The following MACF1 variants were observed in gnomAD, a reference collection of about 807,000 sequenced individuals.
MACF1 encodes the protein microtubule actin crosslinking factor 1.
A neutral mutation model predicts 854.8 loss-of-function variants in MACF1; 193 were observed. The observed-to-expected ratio is 0.23, with a 90% CI of 0.20 to 0.25. MACF1 has a LOEUF of 0.25. Ranked by LOEUF, MACF1 falls within the 10% of genes least tolerant of loss-of-function variation. The probability of loss-of-function intolerance (pLI) is 1.00; values close to 1 mark genes in which losing one functional copy is unlikely to be tolerated. For missense variants in MACF1, 7,722 were observed against 8,929.1 expected, an observed-to-expected ratio of 0.86 and a Z score of 5.45; for synonymous variants, 3,185 against 3,226.7, an observed-to-expected ratio of 0.99 and a Z score of 0.44.
In MACF1 at chr1:39,447,346, A is replaced by C. The variant is rs1028708946; in HGVS notation, c.19606-86A>C. The C allele has an allele frequency of 7.9e-6, 10 of 1,270,568 alleles. No individual in the cohort carries two copies. The African/African-American group carries it at 1.2e-4, about 15-fold the overall frequency. 78.7% of individuals were successfully genotyped at this position (1,270,568 alleles called of 1,614,324 possible). A position where few individuals can be genotyped will look rare whatever the true frequency, so the allele number is the denominator to read the frequency against. On this transcript the variant is annotated intron_variant, in intron 80 of 100. Transcript: ENST00000564288. ...TTTTAGAGGTCATTTCATTTGTTGT[A>C]CAATTCATGCCTTTGTCGCTGAGCC...
In MACF1 at chr1:39,388,214, T is replaced by C; in HGVS notation, c.15372T>C (p.Phe5124=). 1 of 1,614,184 alleles carries C rather than the reference T, an allele frequency of 6.2e-7. No homozygotes were observed. The highest frequency in any genetic ancestry group is 8.5e-7 in the Non-Finnish European group (1 of 1,180,030). ...ACAAGCTGGAGGGGATTGGCCAGTT[T>C]CACTGCCGGGTCCGAGAGATGTTCT... ...MENKLEGIGQ[F]HCRVREMFSQ... The change falls in exon 58 of 101, where the codon TTT becomes TTC. Residue 5124 remains phenylalanine (F), a synonymous_variant. Coordinates refer to ENST00000564288, the MANE Select transcript of MACF1 (RefSeq NM_001394062.1).
chr1:39,421,328 C>T (rs1419568108), intron 58 of MACF1, among the ~76,000 whole-genome samples: 1 of 152,130 alleles, frequency 6.6e-6, no homozygotes, highest in African/African-American at 2.4e-5. Context: ...CCATGGTAAA[C>T]GTGGATAATA....
chr1:39,102,020 C>CA (rs1642092598), intron 2 of MACF1, among the ~76,000 whole-genome samples: 2 of 138,556 alleles, frequency 1.4e-5, no homozygotes, highest in African/African-American at 5.4e-5. Context: ...ACTAAAAATA[C>CA]AAAAAATTAG....
chr1:39,381,820 A>G, intron 55 of MACF1, 133 bp from the exon 56 acceptor site: 1 of 698,130 alleles, frequency 1.4e-6, no homozygotes, highest in South Asian at 1.7e-5. Context: ...AGAGTGAGAC[A>G]CTGTCTCAAA....
chr1:39,414,504 G>C (rs765720778), intron 58 of MACF1: 2 of 1,613,052 alleles, frequency 1.2e-6, no homozygotes, highest in South Asian at 1.1e-5. Flanking sequence ...ATTCTGGGAA[G>C]GGTCTAAAGA....
In MACF1 at chr1:39,396,319, C is replaced by CAAA. The variant is rs1165225801; in HGVS notation, c.15816+7675_15816+7677dup. 1.4e-3 allele frequency among the ~76,000 whole-genome samples: 111 copies of CAAA among 81,620 alleles called. 1 individual carries two copies. Among genetic ancestry groups the CAAA allele is most frequent in the Middle Eastern group, 7.1e-3 (1 of 140 alleles). The allele number at this position is 81,620 out of a possible 152,430, so 53.5% of individuals were successfully genotyped here. ...TGGGTGACAGAGCGAGACTCCATCT[C>CAAA]AAAAAAAAAAAAAAAAGCAACAAAC... On this transcript the variant is annotated intron_variant, in intron 58 of 100. Coordinates refer to ENST00000564288, the MANE Select transcript of MACF1 (RefSeq NM_001394062.1).
At chr1:39,150,523 T>A (rs897424916) in intron 2 of MACF1, among the ~76,000 whole-genome samples, 1 of 152,284 alleles carries the variant, frequency 6.6e-6, no homozygotes, top group African/African-American at 2.4e-5. Context: ...TACTCAAACA[T>A]ATTATGGGAG....
rs891583647 is a variant in MACF1 at position 39,422,507 on chromosome 1, A to G, written c.15950A>G (p.Asn5317Ser). 7 of 1,613,472 alleles carry G rather than the reference A, an allele frequency of 4.3e-6. No individual in the cohort carries two copies. In the African/African-American group the frequency reaches 5.3e-5, roughly 12 times the overall value. ...TTAGAACATGACATGGAAGAGATCAATGCTCGATGGAATACATTGAATAAA... is the reference window on the plus strand; with the variant it reads ...TTAGAACATGACATGGAAGAGATCAGTGCTCGATGGAATACATTGAATAAA... ...QGLEHDMEEI[N>S]ARWNTLNKKV... Residue 5317 changes from asparagine (N) to serine (S), a missense_variant, in exon 59 of 101, where the codon AAT becomes AGT. Physicochemically the swap from Asn to Ser is conservative, Grantham distance 46. This residue lies in a region of MACF1 where 2,807 missense variants were observed against 3,235.8 expected (regional missense o/e 0.87). Coordinates refer to ENST00000564288, the MANE Select transcript of MACF1 (RefSeq NM_001394062.1).
intron 6 of MACF1, among the ~76,000 whole-genome samples, chr1:39,271,112 G>T (rs944484339): frequency 1.3e-5 from 2 of 152,178 alleles, no homozygotes; most frequent in Non-Finnish European, 2.9e-5. Context: ...GATATGGGGC[G>T]CATGAATGTA....
At chr1:39,157,956 A>C (rs1436982766) in intron 2 of MACF1, among the ~76,000 whole-genome samples, 1 of 152,164 alleles carries the variant, frequency 6.6e-6, no homozygotes, top group Non-Finnish European at 1.5e-5. Context: ...GATAATGAAA[A>C]GTTGCAATTA....
intron 58 of MACF1, chr1:39,411,016 G>A: frequency 6.2e-7 from 1 of 1,614,006 alleles, no homozygotes; most frequent in Non-Finnish European, 8.5e-7. Flanking sequence ...TGTAATGCAG[G>A]AATCCAGATT....
intron 58 of MACF1, chr1:39,410,868 A>T: frequency 6.2e-7 from 1 of 1,614,068 alleles, no homozygotes; most frequent in Non-Finnish European, 8.5e-7. Flanking sequence ...CCAAATCCAT[A>T]GGTATTCCAG....
chr1:39,198,714 A>G (rs1215196391), intron 2 of MACF1, among the ~76,000 whole-genome samples: 1 of 151,670 alleles, frequency 6.6e-6, no homozygotes, highest in African/African-American at 2.4e-5. Flanking sequence ...AGTCACAGCT[A>G]CTGGGGAGGC....
chr1:39,339,899 G>A (rs371970040), intron 38 of MACF1, among the ~76,000 whole-genome samples: 4 of 152,124 alleles, frequency 2.6e-5, no homozygotes, highest in African/African-American at 9.6e-5. Flanking sequence ...TGTGGCCTTG[G>A]GTAGGGTGGC....
At chr1:39,215,438 G>A (rs760176793) in intron 1 of MACF1, 1 of 121,420 alleles carries the variant, frequency 8.2e-6, no homozygotes. Context: ...GGGTTAGTAT[G>A]TGAAGTTTTT....
intron 17 of MACF1, 78 bp from the exon 18 acceptor site, chr1:39,293,380 C>A: frequency 1.6e-6 from 2 of 1,244,522 alleles, no homozygotes; most frequent in Non-Finnish European, 1.1e-6. Context: ...GAGTTATTCT[C>A]TCCTTTGATG....
At position 39,210,517 on chromosome 1, in the gene MACF1, A is replaced by AT. The variant is rs201674872; in HGVS notation, c.109+5396dup. On this transcript the variant is annotated intron_variant, in intron 1 of 100. Transcript: ENST00000564288. ...GCCTGGCTCTTTTTCTTTCCTTTGC[A>AT]TTTTTTTTTTCTTAAAGATTTGTAT... Among the ~76,000 whole-genome samples, 630 of 147,272 alleles carry AT rather than the reference A, an allele frequency of 4.3e-3. 5 individuals are homozygous for AT. The highest frequency in any genetic ancestry group is 0.013 in the East Asian group (64 of 5,046).
At chr1:39,436,520 G>T in intron 70 of MACF1, 1 of 1,609,698 alleles carries the variant, frequency 6.2e-7, no homozygotes, top group Non-Finnish European at 8.5e-7. Flanking sequence ...TGGGACTAGG[G>T]TGTTCTTATA....
At chr1:39,263,668 AGAT>A (rs774525284) in intron 6 of MACF1, among the ~76,000 whole-genome samples, 222 of 152,196 alleles carry the variant, frequency 1.5e-3, no homozygotes, top group Non-Finnish European at 2.4e-3. Context: ...CATTTACAGC[AGAT>A]GATCTATTCA....
Sources: allele counts gnomAD v4.1 joint callset (sites outside exome capture counted in the v4.1 genomes callset), GRCh38; gene constraint gnomAD v4.1.1; regional missense constraint gnomAD v4.1.1; transcripts MANE v1.5; gene names NCBI Gene and HGNC (gene_info 2026-07-23, HGNC 2026-07-21).